LCOR: variants seen among roughly 807,000 people sequenced by gnomAD.
The protein encoded by LCOR is ligand-dependent corepressor.
In LCOR, 14 loss-of-function variants were observed where a neutral mutation model predicts 64.4. That is an observed-to-expected ratio of 0.22 (90% CI 0.14 to 0.34). The LOEUF (loss-of-function observed/expected upper bound fraction) is 0.34, where lower values mean the gene tolerates loss of function less well. Ranked by LOEUF, LCOR falls within the 10% of genes least tolerant of loss-of-function variation. The pLI, the probability that LCOR is intolerant of heterozygous loss-of-function variation, is 1.00. For synonymous variants in LCOR, 643 were observed against 642.5 expected, an observed-to-expected ratio of 1.00 and a Z score of -0.01; for missense variants, 1,686 against 1,765.3, an observed-to-expected ratio of 0.96 and a Z score of 0.80.
chr10:96,873,486 TC>T (rs1846106014), intron 2 of LCOR, among the ~76,000 whole-genome samples: 1 of 151,862 alleles, frequency 6.6e-6, no homozygotes, highest in African/African-American at 2.4e-5. Context: ...TAATCCTAAT[TC>T]CTGTGGTTGT....
At chr10:96,860,141 C>G (rs1409145560) in intron 2 of LCOR, among the ~76,000 whole-genome samples, 4 of 152,172 alleles carry the variant, frequency 2.6e-5, no homozygotes, top group Non-Finnish European at 5.9e-5. Flanking sequence ...AACCATGAAT[C>G]TAGATCTAAT....
Position 96,984,606 on chromosome 10 carries a change from G to A in LCOR, c.4146G>A (p.Lys1382=), listed in dbSNP as rs1400926358. The A allele has an allele frequency of 6.2e-7, 1 of 1,614,218 alleles. No homozygotes were observed. Among genetic ancestry groups the A allele is most frequent in the Non-Finnish European group, 8.5e-7 (1 of 1,180,044 alleles). The change falls in exon 8 of 8, where the codon AAG becomes AAA. Residue 1382 remains lysine, a synonymous_variant. Coordinates refer to ENST00000421806, the MANE Select transcript of LCOR (RefSeq NM_001346516.2). ...PKSTEGMKGR[K]GKQVSEILPK... ...GTACTGAAGGAATGAAGGGAAGGAAGGGGAAGCAGGTGTCTGAAATCTTGC... is the reference window on the plus strand; with the variant it reads ...GTACTGAAGGAATGAAGGGAAGGAAAGGGAAGCAGGTGTCTGAAATCTTGC...
intron 6 of LCOR, 110 bp from the exon 7 acceptor site, chr10:96,951,993 A>T: frequency 1.5e-6 from 1 of 679,242 alleles, no homozygotes; most frequent in Non-Finnish European, 2.6e-6. Flanking sequence ...TGACTAGCAT[A>T]TCTGCTTAGT....
At chr10:96,958,330 G>A in intron 7 of LCOR, 1 of 1,530,000 alleles carries the variant, frequency 6.5e-7, no homozygotes, top group South Asian at 1.2e-5. Context: ...TGATGTATGA[G>A]TTGAGTTATG....
intron 2 of LCOR, among the ~76,000 whole-genome samples, chr10:96,878,371 C>T (rs1846205736): frequency 6.6e-6 from 1 of 152,112 alleles, no homozygotes. Context: ...GTACCAGATA[C>T]TAGTAGAGGA....
At chr10:96,909,579 G>A (rs570153574) in intron 4 of LCOR, among the ~76,000 whole-genome samples, 1 of 152,228 alleles carries the variant, frequency 6.6e-6, no homozygotes, top group East Asian at 1.9e-4. Flanking sequence ...ATGCTTCCTT[G>A]TACCCCTGCA....
At chr10:96,940,336 T>C (rs1847431785) in intron 4 of LCOR, among the ~76,000 whole-genome samples, 1 of 100,640 alleles carries the variant, frequency 9.9e-6, no homozygotes, top group South Asian at 3.7e-4. Context: ...TTTTTTTTTA[T>C]TGATCATTCT....
intron 2 of LCOR, among the ~76,000 whole-genome samples, chr10:96,874,635 A>G (rs1846133459): frequency 6.6e-6 from 1 of 151,868 alleles, no homozygotes; most frequent in Admixed American, 6.6e-5. Context: ...CCCTATGACT[A>G]GAGTACTTTT....
chr10:96,895,125 C>T (rs1399301416), intron 2 of LCOR, among the ~76,000 whole-genome samples: 3 of 152,182 alleles, frequency 2.0e-5, no homozygotes, highest in Admixed American at 2.0e-4. Context: ...ATTGCCCCAT[C>T]TCAGTGTCTC....
At chr10:96,842,042 A>AT (rs1466030403) in intron 2 of LCOR, among the ~76,000 whole-genome samples, 4 of 151,956 alleles carry the variant, frequency 2.6e-5, no homozygotes, top group Admixed American at 2.0e-4. Context: ...TTAGTACGTG[A>AT]TTTTTTAGAG....
chr10:96,879,660 GT>G (rs1181217234), intron 2 of LCOR, among the ~76,000 whole-genome samples: 1 of 152,072 alleles, frequency 6.6e-6, no homozygotes, highest in African/African-American at 2.4e-5. Flanking sequence ...TTTTTGTTTT[GT>G]TTTGTGTTTT....
chr10:96,918,930 C>T (rs1029084244), intron 4 of LCOR, among the ~76,000 whole-genome samples: 1 of 152,106 alleles, frequency 6.6e-6, no homozygotes, highest in South Asian at 2.1e-4. Flanking sequence ...TTTCTAGTTA[C>T]ATCAGCAACA....
At chr10:96,944,609 A>G (rs935199858) in intron 5 of LCOR, among the ~76,000 whole-genome samples, 3 of 139,732 alleles carry the variant, frequency 2.1e-5, no homozygotes, top group African/African-American at 8.0e-5. Flanking sequence ...TTTTTTTTTT[A>G]GTAATTTCAA....
intron 2 of LCOR, among the ~76,000 whole-genome samples, chr10:96,875,862 T>A (rs1823012501): frequency 6.6e-6 from 1 of 151,910 alleles, no homozygotes; most frequent in South Asian, 2.1e-4. Context: ...AGAGACCCTG[T>A]CTCAGAAAAA....
intron 2 of LCOR, among the ~76,000 whole-genome samples, chr10:96,885,171 A>G (rs548399883): frequency 2.6e-5 from 4 of 152,210 alleles, no homozygotes; most frequent in Non-Finnish European, 5.9e-5. Context: ...TGGCTTTAGT[A>G]TATACTTAAT....
At chr10:96,868,764 T>G (rs759774181) in intron 2 of LCOR, among the ~76,000 whole-genome samples, 9 of 152,232 alleles carry the variant, frequency 5.9e-5, no homozygotes, top group South Asian at 4.1e-4. Flanking sequence ...CATTTCATTA[T>G]TGTCCATCTC....
chr10:96,859,114 C>G (rs1845847993), intron 2 of LCOR, among the ~76,000 whole-genome samples: 1 of 151,966 alleles, frequency 6.6e-6, no homozygotes, highest in African/African-American at 2.4e-5. Flanking sequence ...AAATGAGGTT[C>G]TAACATGACA....
chr10:96,884,837 AAC>A (rs1361744440), intron 2 of LCOR, among the ~76,000 whole-genome samples: 1 of 152,132 alleles, frequency 6.6e-6, no homozygotes, highest in East Asian at 1.9e-4. Context: ...ATACATGGGT[AAC>A]ACAGCATGTT....
intron 7 of LCOR, among the ~76,000 whole-genome samples, chr10:96,971,555 G>C (rs999686812): frequency 6.6e-6 from 1 of 152,202 alleles, no homozygotes; most frequent in East Asian, 1.9e-4. Context: ...AGCAGACTGT[G>C]AGAGTAGAGG....
Sources: allele counts gnomAD v4.1 joint callset (sites outside exome capture counted in the v4.1 genomes callset), GRCh38; gene constraint gnomAD v4.1.1; transcripts MANE v1.5; gene names NCBI Gene and HGNC (gene_info 2026-07-23, HGNC 2026-07-21).